Variants in DNAH9 observed in about 807,000 individuals in gnomAD.
DNAH9 encodes dynein axonemal heavy chain 9, also known as DNAH9 variant protein.
Under a neutral mutation model 471.6 loss-of-function variants are expected in DNAH9, and 345 were observed. That is an observed-to-expected ratio of 0.73 (90% confidence interval 0.67 to 0.80). The LOEUF is 0.80. Ranked by LOEUF, DNAH9 falls within the 30% of genes least tolerant of loss-of-function variation. DNAH9 has a pLI of 0.00. For synonymous variants in DNAH9, 2,093 were observed against 2,123.6 expected (o/e 0.99, Z 0.40); for missense variants, 5,407 against 5,609.2 (o/e 0.96, Z 1.15).
intron 45 of DNAH9, among the ~76,000 whole-genome samples, chr17:11,816,064 C>T (rs779140856): frequency 7.2e-5 from 11 of 152,086 alleles, no homozygotes; most frequent in Non-Finnish European, 1.3e-4. Flanking sequence ...TTACCTTAGG[C>T]GTTCCCTCTC....
intron 54 of DNAH9, 125 bp from the exon 55 acceptor site, chr17:11,881,084 T>C: frequency 3.4e-6 from 3 of 875,144 alleles, no homozygotes. Flanking sequence ...ATCCCAGGGC[T>C]CATCCTAGAC....
At chr17:11,653,352 A>G (rs2073555749) in intron 14 of DNAH9, among the ~76,000 whole-genome samples, 1 of 152,160 alleles carries the variant, frequency 6.6e-6, no homozygotes. Flanking sequence ...CCCACACAAC[A>G]TATTGTGGTC....
At position 11,865,074 on chromosome 17, in the gene DNAH9, G is replaced by A. The variant is rs1971994668; in HGVS notation, c.9934-4060G>A. 4.6e-5 allele frequency among the ~76,000 whole-genome samples: 7 copies of A among 152,230 alleles called. No homozygotes were observed. The South Asian group carries it at 1.5e-3, about 32-fold the overall frequency. On this transcript the variant is annotated intron_variant, in intron 50 of 68. Transcript: ENST00000262442. Reference sequence around the variant, plus strand: ...ATTTGAACCTGTCATTATGATGTTAGCTGGTTATTTTGCTCGTTAGTTGAT... The same window carrying A: ...ATTTGAACCTGTCATTATGATGTTAACTGGTTATTTTGCTCGTTAGTTGAT...
At chr17:11,836,791 C>T (rs767901056) in intron 49 of DNAH9, among the ~76,000 whole-genome samples, 3 of 152,214 alleles carry the variant, frequency 2.0e-5, no homozygotes, top group Non-Finnish European at 2.9e-5. Flanking sequence ...ATTTACACAC[C>T]TTCATGTCTT....
chr17:11,720,156 T>A (rs2075028267), intron 27 of DNAH9, among the ~76,000 whole-genome samples: 1 of 152,182 alleles, frequency 6.6e-6, no homozygotes. Context: ...GGTCACTTCT[T>A]TAGCTAGAAA....
At chr17:11,950,338 T>C (rs1975318660) in intron 67 of DNAH9, among the ~76,000 whole-genome samples, 1 of 152,202 alleles carries the variant, frequency 6.6e-6, no homozygotes, top group African/African-American at 2.4e-5. Flanking sequence ...ACCATTATAG[T>C]ATCATAAAAA....
chr17:11,820,538 ATGAG>A (rs1970271069), intron 45 of DNAH9, among the ~76,000 whole-genome samples: 1 of 152,174 alleles, frequency 6.6e-6, no homozygotes, highest in Admixed American at 6.5e-5. Context: ...TTCTGTTCTT[ATGAG>A]TGAGGTGAAG....
chr17:11,957,897 C>G (rs1975737133), intron 67 of DNAH9, among the ~76,000 whole-genome samples: 1 of 152,158 alleles, frequency 6.6e-6, no homozygotes, highest in Non-Finnish European at 1.5e-5. Context: ...TTCCTTACAA[C>G]TATAAATATA....
chr17:11,886,740 T>G, intron 56 of DNAH9, 85 bp from the exon 57 acceptor site: 1 of 1,494,644 alleles, frequency 6.7e-7, no homozygotes, highest in Non-Finnish European at 9.0e-7. Flanking sequence ...AGCAGACGCA[T>G]GTCTACTCAC....
chr17:11,958,252 T>C (rs1244945076), intron 67 of DNAH9, among the ~76,000 whole-genome samples: 2 of 152,180 alleles, frequency 1.3e-5, no homozygotes, highest in East Asian at 3.8e-4. Context: ...TGCCCAGAGT[T>C]AAGAGTGAGG....
chr17:11,852,801 A>T (rs1362942710), intron 49 of DNAH9, among the ~76,000 whole-genome samples: 1 of 41,054 alleles, frequency 2.4e-5, no homozygotes, highest in Non-Finnish European at 4.8e-5. Context: ...TATATAAGAA[A>T]GTGTGTGTGT....
intron 39 of DNAH9, 60 bp downstream of exon 39, chr17:11,781,234 G>A: frequency 6.5e-7 from 1 of 1,545,946 alleles, no homozygotes. Context: ...CAGGGCTGAA[G>A]GCCAGTCTCT....
chr17:11,698,551 G>A (rs1479318216), intron 22 of DNAH9, among the ~76,000 whole-genome samples: 3 of 151,408 alleles, frequency 2.0e-5, no homozygotes, highest in African/African-American at 4.9e-5. Flanking sequence ...ATCAGTGTGG[G>A]TGGTGTTTCC....
At chr17:11,895,755 C>T (rs905268929) in intron 59 of DNAH9, among the ~76,000 whole-genome samples, 1 of 152,186 alleles carries the variant, frequency 6.6e-6, no homozygotes, top group Non-Finnish European at 1.5e-5. Flanking sequence ...TTGCTGTCAT[C>T]TCAAGGATGT....
chr17:11,796,214 T>G (rs1969232903), intron 42 of DNAH9, among the ~76,000 whole-genome samples: 1 of 152,358 alleles, frequency 6.6e-6, no homozygotes, highest in Middle Eastern at 3.4e-3. Flanking sequence ...ATATGAGAAC[T>G]GATTCCCAGG....
intron 50 of DNAH9, among the ~76,000 whole-genome samples, chr17:11,862,536 G>GT (rs944493196): frequency 1.5e-4 from 22 of 147,686 alleles, no homozygotes; most frequent in Admixed American, 6.1e-4. Context: ...CTTTAAAGTA[G>GT]TTTTTTCCAA....
At chr17:11,814,883 G>A (rs1231040767) in intron 45 of DNAH9, among the ~76,000 whole-genome samples, 2 of 152,100 alleles carry the variant, frequency 1.3e-5, no homozygotes, top group Non-Finnish European at 2.9e-5. Flanking sequence ...TCCTCTGGTG[G>A]CCGTCTGGAA....
chr17:11,966,300 G>A (rs75243982), intron 68 of DNAH9, among the ~76,000 whole-genome samples: 1,726 of 152,298 alleles, frequency 0.011, 34 homozygotes, highest in African/African-American at 0.039. Context: ...AAGGCAGTAC[G>A]ATGGCATAGT....
chr17:11,817,634 A>G (rs1456387984), intron 45 of DNAH9, among the ~76,000 whole-genome samples: 1 of 152,220 alleles, frequency 6.6e-6, no homozygotes, highest in Admixed American at 6.5e-5. Flanking sequence ...CATAATTTCC[A>G]CATTCCATTA....
Sources: gnomAD v4.1 joint callset for allele counts (sites outside exome capture counted in the v4.1 genomes callset) on GRCh38, gnomAD v4.1.1 for gene constraint, MANE v1.5 for transcripts, NCBI Gene and HGNC (gene_info 2026-07-23, HGNC 2026-07-21) for gene names.